The following TRMT11 variants were observed in gnomAD, a reference collection of about 807,000 sequenced individuals.
The protein encoded by TRMT11 is tRNA methyltransferase 11, also known as tRNA (guanine(10)-N(2))-methyltransferase TRMT11.
In TRMT11, 53 loss-of-function variants were observed where a neutral mutation model predicts 62.8. The observed-to-expected ratio is 0.84, with a 90% confidence interval of 0.68 to 1.06. The LOEUF is 1.06. Among genes scored for constraint, TRMT11 ranks in the 50% least tolerant of loss-of-function variants. The pLI, the probability that TRMT11 is intolerant of heterozygous loss-of-function variation, is 0.00. For missense variants in TRMT11, 556 were observed against 553.4 expected (o/e 1.00, Z -0.05); for synonymous variants, 188 against 190.3 (o/e 0.99, Z 0.10).
intron 21 of TRMT11, among the ~76,000 whole-genome samples, chr6:126,119,912 T>C (rs893887806): frequency 2.0e-5 from 3 of 152,036 alleles, no homozygotes; most frequent in African/African-American, 7.2e-5. Flanking sequence ...ATAGCAAAAA[T>C]ATTAGAACAA....
chr6:126,166,025 A>T (rs1778257555), intron 21 of TRMT11, among the ~76,000 whole-genome samples: 1 of 151,900 alleles, frequency 6.6e-6, no homozygotes, highest in Admixed American at 6.6e-5. Flanking sequence ...GCTTTATTTC[A>T]TTAAGTTCAC....
chr6:126,037,142 T>C (rs1775338587), intron 12 of TRMT11, among the ~76,000 whole-genome samples: 1 of 152,044 alleles, frequency 6.6e-6, no homozygotes, highest in African/African-American at 2.4e-5. Flanking sequence ...GATAGCTCTT[T>C]TGGAGAAAAC....
At chr6:126,216,916 A>G in the TRMT11 span, among the ~76,000 whole-genome samples, 2 of 152,052 alleles carry the variant, frequency 1.3e-5, no homozygotes, top group African/African-American at 4.8e-5. Flanking sequence ...TTCTGTAGGC[A>G]TACTTTTTTT....
chr6:126,211,256 G>A, the TRMT11 span, among the ~76,000 whole-genome samples: 1 of 152,110 alleles, frequency 6.6e-6, no homozygotes, highest in Admixed American at 6.5e-5. Flanking sequence ...TTTTCTCTTT[G>A]TTGTGTTGCT....
chr6:126,154,680 C>T (rs536264181), intron 21 of TRMT11, among the ~76,000 whole-genome samples: 15 of 152,302 alleles, frequency 9.8e-5, no homozygotes, highest in Non-Finnish European at 1.9e-4. Flanking sequence ...GAATTTCTTT[C>T]CATTTTCCTC....
chr6:126,249,350 C>T, the TRMT11 span, among the ~76,000 whole-genome samples: 3 of 152,146 alleles, frequency 2.0e-5, no homozygotes, highest in African/African-American at 7.2e-5. Flanking sequence ...TATTTATGTG[C>T]TCTTTCCAAC....
chr6:126,154,020 G>T (rs1778088050), intron 21 of TRMT11, among the ~76,000 whole-genome samples: 1 of 152,128 alleles, frequency 6.6e-6, no homozygotes, highest in South Asian at 2.1e-4. Flanking sequence ...CAGATGCCAG[G>T]CATATTTATT....
intron 17 of TRMT11, among the ~76,000 whole-genome samples, chr6:126,093,585 G>GCATATATATATA (rs1777298990): frequency 2.1e-5 from 1 of 46,666 alleles, no homozygotes; most frequent in Non-Finnish European, 3.8e-5. Flanking sequence ...GGATATGTAT[G>GCATATATATATA]TATATATATA....
chr6:126,159,246 T>G (rs780080519), intron 21 of TRMT11, among the ~76,000 whole-genome samples: 4 of 152,092 alleles, frequency 2.6e-5, no homozygotes, highest in Non-Finnish European at 5.9e-5. Context: ...TTCTTTCCCC[T>G]TTGTGCTGGC....
At chr6:126,033,061 C>T (rs1025700098) in intron 12 of TRMT11, among the ~76,000 whole-genome samples, 2 of 152,066 alleles carry the variant, frequency 1.3e-5, no homozygotes, top group African/African-American at 2.4e-5. Context: ...GCTGAATTGA[C>T]GTATTGTGGA....
chr6:126,205,932 C>G (rs1778787047), downstream of TRMT11, among the ~76,000 whole-genome samples: 1 of 150,224 alleles, frequency 6.7e-6, no homozygotes, highest in South Asian at 2.1e-4. Context: ...CACACACACA[C>G]ACACACATGC....
At chr6:126,036,351 A>G (rs1261529720) in intron 12 of TRMT11, among the ~76,000 whole-genome samples, 1 of 152,120 alleles carries the variant, frequency 6.6e-6, no homozygotes, top group Non-Finnish European at 1.5e-5. Context: ...ATTTTAATAA[A>G]TTAGGTTTGG....
the TRMT11 span, among the ~76,000 whole-genome samples, chr6:126,248,699 C>T: frequency 6.6e-6 from 1 of 152,098 alleles, no homozygotes. Flanking sequence ...GAACTCTGTT[C>T]ACTGCTATAT....
At chr6:126,110,032 A>G (rs1407519879) in intron 17 of TRMT11, among the ~76,000 whole-genome samples, 1 of 152,134 alleles carries the variant, frequency 6.6e-6, no homozygotes, top group Non-Finnish European at 1.5e-5. Context: ...TGAGGAAGAG[A>G]ATCAGAAGAT....
Position 126,054,753 on chromosome 6 carries a change from A to G in TRMT11, c.*1437+1563A>G, listed in dbSNP as rs377562913. Among the ~76,000 whole-genome samples the G allele has an allele frequency of 6.9e-4, 105 of 152,346 alleles. No homozygotes were observed. In the South Asian group the frequency reaches 0.014, roughly 20 times the overall value. On this transcript the variant is annotated intron_variant and NMD_transcript_variant, in intron 17 of 22. Transcript: ENST00000648977. The stretch of plus-strand genomic sequence containing the variant: ...AAAGGATATTTTACTGATCAACCTC[A>G]AGGAATCTGTCATAAATAAAAAATA...
chr6:126,151,833 T>TCTTTCTTTCTTTCTTTCTTTAGTTTC (rs1778050032), intron 21 of TRMT11, among the ~76,000 whole-genome samples: 1 of 141,914 alleles, frequency 7.0e-6, no homozygotes, highest in African/African-American at 2.8e-5. Context: ...TTTCTTTCTT[T>TCTTTCTTTCTTTCTTTCTTTAGTTTC]CTTTCTTTCT....
At chr6:126,212,880 T>A in the TRMT11 span, among the ~76,000 whole-genome samples, 1 of 151,944 alleles carries the variant, frequency 6.6e-6, no homozygotes, top group African/African-American at 2.4e-5. Context: ...TTTCCCATTT[T>A]AAAAATTAGT....
In TRMT11 at chr6:126,151,905, C is replaced by CCTT. The variant is rs1726757205; in HGVS notation, c.*1824-22920_*1824-22919insCTT. Among the ~76,000 whole-genome samples, 25 of 80,432 alleles carry CCTT rather than the reference C, an allele frequency of 3.1e-4. 1 individual carries two copies. The highest frequency in any genetic ancestry group is 5.8e-4 in the South Asian group (1 of 1,712). 52.8% of individuals were successfully genotyped at this position (80,432 alleles called of 152,430 possible). On this transcript the variant is annotated intron_variant and NMD_transcript_variant, in intron 21 of 22. Transcript: ENST00000648977. ...CCTTCCTTGTCTTTTTCTTTCTTTTCTCTTTCTTTCTTTCTTTCTTTCTTT... is the reference window on the plus strand; with the variant it reads ...CCTTCCTTGTCTTTTTCTTTCTTTTCCTTTCTTTCTTTCTTTCTTTCTTTCTTT...
intron 1 of TRMT11, among the ~76,000 whole-genome samples, chr6:126,185,565 C>T (rs993230544): frequency 1.3e-5 from 2 of 152,136 alleles, no homozygotes; most frequent in African/African-American, 4.8e-5. Context: ...CTTAATTTTT[C>T]TATCTAATGT....
Sources: allele counts gnomAD v4.1 joint callset (sites outside exome capture counted in the v4.1 genomes callset), GRCh38; gene constraint gnomAD v4.1.1; transcripts MANE v1.5; gene names NCBI Gene and HGNC (gene_info 2026-07-23, HGNC 2026-07-21).